Variants in RPL4 observed in about 807,000 individuals in gnomAD.
RPL4 encodes the protein ribosomal protein L4, also known as large ribosomal subunit protein uL4.
A neutral mutation model predicts 47.7 loss-of-function variants in RPL4; 3 were observed. The observed-to-expected ratio is 0.06, with a 90% CI of 0.03 to 0.16. The LOEUF (loss-of-function observed/expected upper bound fraction) is 0.16. Ranked by LOEUF, RPL4 falls within the 10% of genes least tolerant of loss-of-function variation. The pLI is 1.00. For synonymous variants in RPL4, 208 were observed against 182.1 expected, an observed-to-expected ratio of 1.14 and a Z score of -1.15; for missense variants, 413 against 551.3, an observed-to-expected ratio of 0.75 and a Z score of 2.51.
intron 7 of RPL4, 35 bp from the exon 8 acceptor site, chr15:66,500,411 G>A (rs1232727067): frequency 1.3e-6 from 2 of 1,578,938 alleles, no homozygotes; most frequent in Non-Finnish European, 1.7e-6. Flanking sequence ...ACATGTAAAA[G>A]TAATCAACCA....
At chr15:66,501,551 C>T in intron 5 of RPL4, 47 bp from the exon 6 acceptor site, 1 of 1,606,338 alleles carries the variant, frequency 6.2e-7, no homozygotes, top group Non-Finnish European at 8.5e-7. Context: ...AGAATCTCTG[C>T]AATAGATCTT....
At position 66,499,363 on chromosome 15, in the gene RPL4, G is replaced by A. The variant is rs1893550271; in HGVS notation, c.*44C>T. The stretch of plus-strand genomic sequence containing the variant: ...ATCAGGTCTTTATTCAAAAGAAGCT[G>A]TCCAAAATGATTTGACCTTTATGGA... On this transcript the variant is annotated 3_prime_UTR_variant, in exon 10 of 10. Transcript: ENST00000307961. 3 of 1,574,096 alleles carry A rather than the reference G, an allele frequency of 1.9e-6. No individual in the cohort carries two copies. Among genetic ancestry groups the A allele is most frequent in the East Asian group, 4.5e-5 (2 of 44,708 alleles).
chr15:66,499,065 T>A lies in RPL4; in HGVS notation c.*342A>T, dbSNP rs1241447988. On this transcript the variant is annotated 3_prime_UTR_variant, in exon 10 of 10. Coordinates refer to ENST00000307961, the MANE Select transcript of RPL4 (RefSeq NM_000968.4). ...TTTACAGAATTTAACCTATTTTCCA[T>A]CTGGTGGGGAGCTAAACTTGAACAG... 1 of 216,510 alleles carries A rather than the reference T, an allele frequency of 4.6e-6. No homozygotes were observed. The highest frequency in any genetic ancestry group is 2.3e-5 in the African/African-American group (1 of 42,932). The allele number at this position is 216,510 out of a possible 1,614,324, so 13.4% of individuals were successfully genotyped here.
chr15:66,499,942 G>A, intron 9 of RPL4, 114 bp downstream of exon 9: 1 of 1,319,138 alleles, frequency 7.6e-7, no homozygotes, highest in East Asian at 2.4e-5. Context: ...AGAACTGCTT[G>A]AACTTGGTAG....
At chr15:66,502,862 G>C (rs1893649820) in intron 3 of RPL4, 112 bp from the exon 4 acceptor site, 1 of 1,514,052 alleles carries the variant, frequency 6.6e-7, no homozygotes, top group Admixed American at 1.7e-5. Flanking sequence ...CTGACAGCAG[G>C]CAACTGTCGC....
intron 9 of RPL4, 147 bp downstream of exon 9, chr15:66,499,909 G>GTTTCT: frequency 9.3e-7 from 1 of 1,075,638 alleles, no homozygotes; most frequent in Non-Finnish European, 1.3e-6. Context: ...TGTAGTGCCA[G>GTTTCT]CTACTTGGGA....
At chr15:66,500,559 C>T (rs1339998683) in intron 7 of RPL4, 183 bp from the exon 8 acceptor site, 15 of 610,732 alleles carry the variant, frequency 2.5e-5, no homozygotes, top group South Asian at 6.0e-5. Context: ...TTGGGGAGGC[C>T]GAGGCGGGTG....
chr15:66,503,711 C>G (rs561359593), intron 1 of RPL4, among the ~76,000 whole-genome samples, 182 bp from the exon 2 acceptor site: 2 of 152,224 alleles, frequency 1.3e-5, no homozygotes, highest in South Asian at 4.1e-4. Context: ...CTCTACTGCA[C>G]AATTTTATTT....
At chr15:66,500,469 C>A in intron 7 of RPL4, 93 bp from the exon 8 acceptor site, 1 of 1,045,728 alleles carries the variant, frequency 9.6e-7, no homozygotes, top group Admixed American at 1.9e-5. Context: ...ACTATGCTCT[C>A]CAAAATATCT....
In RPL4 at chr15:66,500,044, A is replaced by G. The variant is rs375252764; in HGVS notation, c.1038+12T>C. On this transcript the variant is annotated intron_variant, in intron 9 of 9. Coordinates refer to ENST00000307961, the MANE Select transcript of RPL4 (RefSeq NM_000968.4). ...ACTCAAAAACAAACAAACAAACAAA[A>G]ACTCCACTCACATTCCTGGCCTGGC... is the stretch of plus-strand genomic sequence containing the variant. The G allele has an allele frequency of 6.2e-7, 1 of 1,611,124 alleles. No individual in the cohort carries two copies. Among genetic ancestry groups the G allele is most frequent in the Non-Finnish European group, 8.5e-7 (1 of 1,179,658 alleles).
rs373141048 is a variant in RPL4 at position 66,501,010 on chromosome 15, G to A, written c.772C>T (p.Arg258Trp). ...RFCIWTESAF[R>W]KLDELYGTWR... ...GTGCCGTACAATTCATCTAACTTCC[G>A]GAAAGCACTTTCAGTCCAAATGCAG... Residue 258 changes from arginine (R) to tryptophan (W), a missense_variant, in exon 7 of 10, where the codon CGG (arginine) becomes TGG (tryptophan). Physicochemically the swap from Arg to Trp is moderately radical, Grantham distance 101. This residue lies in a region of RPL4 where 214 missense variants were observed against 304.2 expected (regional missense o/e 0.70). Transcript: ENST00000307961. 2.6e-5 allele frequency: 42 copies of A among 1,613,802 alleles called. 1 individual carries two copies. The highest frequency in any genetic ancestry group is 4.0e-5 in the African/African-American group (3 of 74,892).
In RPL4 at chr15:66,501,451, G is replaced by A. The variant is rs1355343331; in HGVS notation, c.600C>T (p.Arg200=). The A allele has an allele frequency of 2.5e-6, 4 of 1,614,130 alleles. No individual in the cohort carries two copies. The highest frequency in any genetic ancestry group is 3.3e-5 in the Admixed American group (2 of 60,014). The stretch of plus-strand genomic sequence containing the variant: ...TGCACGGGCCCCTGCGCTGGATACG[G>A]CGACGGTTTCTCATTTTGCCTTTGC... ...RAGKGKMRNR[R]RIQRRGPCII... The change falls in exon 6 of 10, where the codon CGC becomes CGT. Residue 200 remains arginine, a synonymous_variant. Coordinates refer to ENST00000307961, the MANE Select transcript of RPL4 (RefSeq NM_000968.4).
chr15:66,504,758 G>T (rs147274967), intron 1 of RPL4, 30 bp downstream of exon 1: 3 of 1,611,294 alleles, frequency 1.9e-6, no homozygotes, highest in Non-Finnish European at 2.5e-6. Context: ...GAGATACGGG[G>T]TAAGGCCAGC....
At position 66,503,178 on chromosome 15, in the gene RPL4, G is replaced by A. The variant is rs200652673; in HGVS notation, c.176-14C>T. On this transcript the variant is annotated splice_polypyrimidine_tract_variant and intron_variant, in intron 2 of 9. Coordinates refer to ENST00000307961, the MANE Select transcript of RPL4 (RefSeq NM_000968.4). ...TAGTCTGATGACCTAAAATTGAGAA[G>A]AGATAAAAGTTGTAGCTGCTTCATC... The A allele has an allele frequency of 1.2e-5, 19 of 1,612,680 alleles. No individual in the cohort carries two copies. The East Asian group carries it at 3.1e-4, about 26-fold the overall frequency.
chr15:66,503,114 T>C lies in RPL4; in HGVS notation c.226A>G (p.Ile76Val). Residue 76 changes from isoleucine to valine, a missense_variant, in exon 3 of 10, where the codon ATT becomes GTT. Transcript: ENST00000307961. ...SWGTGRAVAR[I>V]PRVRGGGTHR... ...GTCCCACCACCTCGAACTCTGGGAA[T>C]TCGAGCCACAGCTCTGCCAGTACCC... 6.2e-7 allele frequency: 1 copy of C among 1,614,088 alleles called. No individual in the cohort carries two copies. The highest frequency in any genetic ancestry group is 1.6e-4 in the Middle Eastern group (1 of 6,062).
rs1311943293 is a variant in RPL4, at chr15:66,501,972, A to T, written c.422-60T>A. ...TGAAACTTTTGGAGAAAAAAAAAAA[A>T]TCAAACATTTTATACAACCAATAAA... On this transcript the variant is annotated intron_variant, in intron 4 of 9. Transcript: ENST00000307961. 2.6e-6 allele frequency: 4 copies of T among 1,567,006 alleles called. No individual in the cohort carries two copies. In the Admixed American group the frequency reaches 5.6e-5, roughly 22 times the overall value.
At position 66,502,670 on chromosome 15, in the gene RPL4, T is replaced by G; in HGVS notation, c.363A>C (p.Arg121=). 6.2e-7 allele frequency: 1 copy of G among 1,613,686 alleles called. No homozygotes were observed. The part of the protein sequence containing the change: ...WHRRVNTTQK[R]YAICSALAAS... ...CAGCCAGGGCAGAACAGATGGCGTA[T>G]CGTTTTTGGGTTGTGTTCACTCTAC... Residue 121 remains arginine, a synonymous_variant, in exon 4 of 10, where the codon CGA becomes CGC. Coordinates refer to ENST00000307961, the MANE Select transcript of RPL4 (RefSeq NM_000968.4).
In RPL4 at chr15:66,499,489, G is replaced by A. The variant is rs780855286; in HGVS notation, c.1202C>T (p.Ala401Val). The part of the protein sequence containing the change: ...KQKKPLVGKK[A>V]AATKKPAPEK... ...AGGGGCTGGTTTCTTGGTAGCTGCT[G>A]CCTTTTTTCCCACCAGAGGCTTCTT... The change falls in exon 10 of 10, where the codon GCA (alanine) becomes GTA (valine). Residue 401 changes from alanine (A) to valine (V), a missense_variant. Ala to Val is a moderately conservative substitution (Grantham distance 64). Coordinates refer to ENST00000307961, the MANE Select transcript of RPL4 (RefSeq NM_000968.4). 2.5e-6 allele frequency: 4 copies of A among 1,611,898 alleles called. No homozygotes were observed. The highest frequency in any genetic ancestry group is 1.1e-5 in the South Asian group (1 of 91,002).
At position 66,502,690 on chromosome 15, in the gene RPL4, C is replaced by G. The variant is rs760782103; in HGVS notation, c.343G>C (p.Val115Leu). ...TKTWRRWHRR[V>L]NTTQKRYAIC... ...GCGTATCGTTTTTGGGTTGTGTTCA[C>G]TCTACGATGCCAACGGCGCCAGGTT... The change falls in exon 4 of 10, where the codon GTG (valine) becomes CTG (leucine). Residue 115 changes from valine (V) to leucine (L), a missense_variant. Physicochemically the swap from Val to Leu is conservative, Grantham distance 32. Transcript: ENST00000307961. The G allele has an allele frequency of 4.3e-6, 7 of 1,613,842 alleles. No homozygotes were observed. In the Admixed American group the frequency reaches 5.0e-5, roughly 12 times the overall value.
Sources: gnomAD v4.1 joint callset for allele counts (sites outside exome capture counted in the v4.1 genomes callset) on GRCh38, gnomAD v4.1.1 for gene constraint, gnomAD v4.1.1 regional missense constraint, MANE v1.5 for transcripts, NCBI Gene and HGNC (gene_info 2026-07-23, HGNC 2026-07-21) for gene names.